ASB7: variants seen among roughly 807,000 people sequenced by gnomAD.
The protein encoded by ASB7 is ankyrin repeat and SOCS box protein 7.
Under a neutral mutation model 32.5 loss-of-function variants are expected in ASB7, and 4 were observed. That is an observed-to-expected ratio of 0.12 (90% CI 0.06 to 0.28). The LOEUF (loss-of-function observed/expected upper bound fraction) is 0.28. Among genes scored for constraint, ASB7 ranks in the 10% least tolerant of loss-of-function variants. ASB7 has a pLI of 1.00. For missense variants in ASB7, 181 were observed against 407.1 expected (o/e 0.44, Z 4.78); for synonymous variants, 172 against 155.6 (o/e 1.11, Z -0.78).
chr15:100,622,229 A>G (rs1396248179), intron 4 of ASB7, among the ~76,000 whole-genome samples: 1 of 145,548 alleles, frequency 6.9e-6, no homozygotes, highest in Non-Finnish European at 1.5e-5. Context: ...AAACCCAACA[A>G]CCTAGGAATA....
At chr15:100,632,999 G>A (rs946188714) in intron 5 of ASB7, among the ~76,000 whole-genome samples, 2 of 151,862 alleles carry the variant, frequency 1.3e-5, no homozygotes, top group African/African-American at 4.8e-5. Context: ...CCAGCATTCA[G>A]ACCTCAGAAC....
chr15:100,613,359 A>T (rs2039712809), intron 4 of ASB7, among the ~76,000 whole-genome samples: 1 of 152,254 alleles, frequency 6.6e-6, no homozygotes, highest in Non-Finnish European at 1.5e-5. Context: ...AATAATGTGA[A>T]TATATGAATA....
intron 4 of ASB7, among the ~76,000 whole-genome samples, chr15:100,614,553 A>G (rs1596999890): frequency 6.6e-6 from 1 of 152,200 alleles, no homozygotes; most frequent in African/African-American, 2.4e-5. Flanking sequence ...ATGTAAACTA[A>G]TGGGTGTGGC....
At chr15:100,637,054 G>A (rs1226335624) in intron 5 of ASB7, among the ~76,000 whole-genome samples, 2 of 152,218 alleles carry the variant, frequency 1.3e-5, no homozygotes, top group Non-Finnish European at 2.9e-5. Flanking sequence ...CCGTGATGAG[G>A]CGGTAAAATT....
intron 4 of ASB7, among the ~76,000 whole-genome samples, chr15:100,618,409 C>T (rs1176604053): frequency 6.6e-6 from 1 of 152,156 alleles, no homozygotes; most frequent in East Asian, 1.9e-4. Flanking sequence ...GCCACCGCGT[C>T]CAGTCTCGAA....
intron 5 of ASB7, among the ~76,000 whole-genome samples, chr15:100,630,480 T>C (rs1477436909): frequency 6.6e-6 from 1 of 152,238 alleles, no homozygotes; most frequent in Non-Finnish European, 1.5e-5. Flanking sequence ...TGCTAAGTTG[T>C]TCACGTTTTA....
intron 5 of ASB7, among the ~76,000 whole-genome samples, chr15:100,644,589 C>T (rs559853081): frequency 7.2e-5 from 11 of 152,300 alleles, no homozygotes; most frequent in African/African-American, 1.4e-4. Context: ...TTTACATTGG[C>T]AAATGGGGCC....
intron 5 of ASB7, among the ~76,000 whole-genome samples, chr15:100,647,733 T>C (rs2040005871): frequency 1.3e-5 from 2 of 152,192 alleles, no homozygotes; most frequent in Admixed American, 1.3e-4. Flanking sequence ...TTCTGCTGTG[T>C]TCAGAATCAC....
chr15:100,620,989 TA>T (rs138169343), intron 4 of ASB7, among the ~76,000 whole-genome samples: 6,603 of 151,980 alleles, frequency 0.043, 464 homozygotes, highest in African/African-American at 0.15. Flanking sequence ...AAGTAGGAGA[TA>T]GGGGGGTAAT....
chr15:100,645,638 G>A (rs867322021), intron 5 of ASB7: 1 of 1,052,270 alleles, frequency 9.5e-7, no homozygotes, highest in Middle Eastern at 2.1e-4. Flanking sequence ...CCGTTTTACT[G>A]ATGTCTCCCA....
intron 4 of ASB7, among the ~76,000 whole-genome samples, chr15:100,626,059 GA>G (rs576207381): frequency 4.6e-5 from 7 of 151,676 alleles, no homozygotes; most frequent in Non-Finnish European, 7.4e-5. Flanking sequence ...ATTCCTAGAA[GA>G]AAAAAAATCT....
At chr15:100,631,401 T>G (rs1045345024) in intron 5 of ASB7, among the ~76,000 whole-genome samples, 3 of 152,208 alleles carry the variant, frequency 2.0e-5, no homozygotes, top group African/African-American at 7.2e-5. Flanking sequence ...GGGAGAGGTA[T>G]CTGGGGCTGA....
chr15:100,613,928 G>A (rs2039718579), intron 4 of ASB7, among the ~76,000 whole-genome samples: 1 of 152,186 alleles, frequency 6.6e-6, no homozygotes, highest in Admixed American at 6.5e-5. Flanking sequence ...GTTTGGTTTA[G>A]TGCTTATCCT....
In ASB7 at chr15:100,603,304, G is replaced by C. The variant is rs888763624; in HGVS notation, c.-183G>C. The C allele has an allele frequency of 7.0e-6, 2 of 285,730 alleles. No homozygotes were observed. The highest frequency in any genetic ancestry group is 4.4e-5 in the African/African-American group (2 of 45,616). 17.7% of individuals were successfully genotyped at this position (285,730 alleles called of 1,614,324 possible). A position where few individuals can be genotyped will look rare whatever the true frequency, so the allele number is the denominator to read the frequency against. ...AGGCACAGTGCCTCTGACCAGCATC[G>C]TCTGTAAAGGTAATGAGCCAGCCCT... On this transcript the variant is annotated 5_prime_UTR_variant, in exon 2 of 6. Transcript: ENST00000332783.
At chr15:100,638,991 T>G (rs1169967896) in intron 5 of ASB7, among the ~76,000 whole-genome samples, 2 of 152,192 alleles carry the variant, frequency 1.3e-5, no homozygotes, top group African/African-American at 4.8e-5. Context: ...AGTCAGAGAA[T>G]ACGCTAGTTT....
intron 3 of ASB7, among the ~76,000 whole-genome samples, chr15:100,611,560 A>G (rs1010510565): frequency 5.9e-5 from 8 of 134,640 alleles, no homozygotes; most frequent in Non-Finnish European, 4.6e-5. Context: ...GCTCAATGAA[A>G]CCTCCACCTC....
chr15:100,640,622 C>T (rs2141406113), intron 5 of ASB7, among the ~76,000 whole-genome samples: 1 of 152,288 alleles, frequency 6.6e-6, no homozygotes, highest in Non-Finnish European at 1.5e-5. Flanking sequence ...TACCCCTCTC[C>T]AACCCAAAGA....
intron 2 of ASB7, among the ~76,000 whole-genome samples, chr15:100,604,902 A>G (rs935266295): frequency 6.6e-6 from 1 of 152,240 alleles, no homozygotes; most frequent in African/African-American, 2.4e-5. Context: ...TATGTTCTAA[A>G]GATCAAAATG....
At chr15:100,628,643 C>G (rs544567164) in intron 4 of ASB7, among the ~76,000 whole-genome samples, 27 of 152,276 alleles carry the variant, frequency 1.8e-4, no homozygotes, top group Admixed American at 3.3e-4. Context: ...AATGAAAGAT[C>G]TGAGGCCAGT....
Sources: gnomAD v4.1 joint callset for allele counts (sites outside exome capture counted in the v4.1 genomes callset) on GRCh38, gnomAD v4.1.1 for gene constraint, MANE v1.5 for transcripts, NCBI Gene and HGNC (gene_info 2026-07-23, HGNC 2026-07-21) for gene names.